The following ATP5PO variants were observed in gnomAD, a reference collection of about 807,000 sequenced individuals.
ATP5PO encodes the protein ATP synthase peripheral stalk subunit OSCP, mitochondrial.
Under a neutral mutation model 26.2 loss-of-function variants are expected in ATP5PO, and 14 were observed. The observed-to-expected ratio is 0.53, with a 90% CI of 0.35 to 0.83. The LOEUF is 0.83. Ranked by LOEUF, ATP5PO falls within the 40% of genes least tolerant of loss-of-function variation. The pLI is 0.01. For synonymous variants in ATP5PO, 106 were observed against 95.1 expected, an observed-to-expected ratio of 1.12 and a Z score of -0.67; for missense variants, 241 against 258.5, an observed-to-expected ratio of 0.93 and a Z score of 0.46.
At chr21:33,910,279 T>C (rs1987231155) in intron 3 of ATP5PO, among the ~76,000 whole-genome samples, 1 of 152,180 alleles carries the variant, frequency 6.6e-6, no homozygotes, top group South Asian at 2.1e-4. Flanking sequence ...GGTCAGATAC[T>C]ATCATCCAAT....
chr21:33,915,772 G>C lies in ATP5PO; in HGVS notation c.-9C>G. ...ACTGCTGGGGCAGCCATCTTCTCCC[G>C]GGCGGCTGTAGGTCAAACCCGAGTG... On this transcript the variant is annotated 5_prime_UTR_variant, in exon 1 of 7. Coordinates refer to ENST00000290299, the MANE Select transcript of ATP5PO (RefSeq NM_001697.3). 6.4e-7 allele frequency: 1 copy of C among 1,568,506 alleles called. No homozygotes were observed. The highest frequency in any genetic ancestry group is 2.3e-5 in the East Asian group (1 of 42,616).
At chr21:33,907,066 G>C in intron 5 of ATP5PO, 1 of 439,662 alleles carries the variant, frequency 2.3e-6, no homozygotes, top group Non-Finnish European at 4.2e-6. Context: ...ACATATAATA[G>C]AGTCTAAACC....
At chr21:33,910,714 C>T (rs1293905002) in intron 3 of ATP5PO, among the ~76,000 whole-genome samples, 1 of 152,182 alleles carries the variant, frequency 6.6e-6, no homozygotes, top group East Asian at 1.9e-4. Flanking sequence ...CAAATGTCTC[C>T]AACAACAGGG....
chr21:33,908,630 G>A (rs565223437), intron 4 of ATP5PO, among the ~76,000 whole-genome samples: 23 of 152,276 alleles, frequency 1.5e-4, no homozygotes, highest in African/African-American at 5.5e-4. Flanking sequence ...GATCACCTGA[G>A]TCTGGGAGGT....
rs140977810 is a variant in ATP5PO at position 33,915,733 on chromosome 21, G to A, written c.31C>T (p.Arg11Trp). 1.9e-4 allele frequency: 302 copies of A among 1,575,028 alleles called. 2 individuals carry two copies. The highest frequency in any genetic ancestry group is 4.3e-5 in the Non-Finnish European group (50 of 1,160,264). Residue 11 changes from arginine to tryptophan, a missense_variant, in exon 1 of 7, where the codon CGG becomes TGG. Coordinates refer to ENST00000290299, the MANE Select transcript of ATP5PO (RefSeq NM_001697.3). ...CAGGACCACCTTTCTCTCACCTGCC[G>A]GGAGAGCCCGGACACTGCTGGGGCA... Reference protein sequence around the residue: MAAPAVSGLSRQVRCFSTSVV... With the variant: MAAPAVSGLSWQVRCFSTSVV...
At chr21:33,911,944 G>A (rs890005749) in intron 3 of ATP5PO, among the ~76,000 whole-genome samples, 5 of 152,132 alleles carry the variant, frequency 3.3e-5, no homozygotes, top group African/African-American at 4.8e-5. Context: ...GATTACAGGC[G>A]TGAGCACTGT....
intron 4 of ATP5PO, among the ~76,000 whole-genome samples, chr21:33,908,059 T>G (rs893068247): frequency 2.6e-5 from 4 of 151,310 alleles, no homozygotes; most frequent in African/African-American, 9.7e-5. Context: ...TTCCAGCTAC[T>G]CAGGAGGCTG....
At chr21:33,905,785 G>A (rs1987161169) in intron 5 of ATP5PO, among the ~76,000 whole-genome samples, 1 of 151,898 alleles carries the variant, frequency 6.6e-6, no homozygotes, top group Non-Finnish European at 1.5e-5. Flanking sequence ...GTGGTGGCAG[G>A]TGCTGTAGTC....
chr21:33,904,995 T>G (rs1987150282), intron 5 of ATP5PO, among the ~76,000 whole-genome samples: 1 of 151,972 alleles, frequency 6.6e-6, no homozygotes, highest in Admixed American at 6.6e-5. Flanking sequence ...CCCGCTGCAG[T>G]CTCCCAAAAT....
At chr21:33,913,571 C>A (rs568416241) in intron 2 of ATP5PO, among the ~76,000 whole-genome samples, 24 of 152,254 alleles carry the variant, frequency 1.6e-4, no homozygotes, top group African/African-American at 5.1e-4. Flanking sequence ...TTTCAGGGGG[C>A]CTTCTGGGGA....
chr21:33,907,867 G>A (rs1987193951), intron 4 of ATP5PO, among the ~76,000 whole-genome samples: 1 of 152,222 alleles, frequency 6.6e-6, no homozygotes, highest in African/African-American at 2.4e-5. Flanking sequence ...CAATGTGAAT[G>A]GAGGCCAAGT....
At chr21:33,909,402 C>T (rs1344238203) in intron 3 of ATP5PO, among the ~76,000 whole-genome samples, 191 bp from the exon 4 acceptor site, 1 of 151,806 alleles carries the variant, frequency 6.6e-6, no homozygotes, top group African/African-American at 2.4e-5. Context: ...GCCTCAGCCT[C>T]CCGAATAGCT....
At chr21:33,911,910 T>C (rs1000581553) in intron 3 of ATP5PO, among the ~76,000 whole-genome samples, 1 of 152,134 alleles carries the variant, frequency 6.6e-6, no homozygotes, top group Non-Finnish European at 1.5e-5. Flanking sequence ...CTGATCTGCC[T>C]GCCTCAGCCT....
chr21:33,911,699 C>T (rs769287161), intron 3 of ATP5PO, among the ~76,000 whole-genome samples: 10 of 117,566 alleles, frequency 8.5e-5, no homozygotes, highest in Non-Finnish European at 8.2e-5. Context: ...GACGGAGTCT[C>T]GTACCGTCCG....
chr21:33,904,072 C>T lies in ATP5PO; in HGVS notation c.442-51G>A, dbSNP rs1172919327. The T allele has an allele frequency of 2.0e-6, 3 of 1,516,382 alleles. 1 individual carries two copies. The highest frequency in any genetic ancestry group is 2.7e-6 in the Non-Finnish European group (3 of 1,106,042). The allele number at this position is 1,516,382 out of a possible 1,614,324, so 93.9% of individuals were successfully genotyped here. On this transcript the variant is annotated intron_variant, in intron 5 of 6. Coordinates refer to ENST00000290299, the MANE Select transcript of ATP5PO (RefSeq NM_001697.3). ...TTTAGATAAAGCAAAACAGAAACTT[C>T]CAGAGTTAAAATACCCCAGGCCCAC...
intron 4 of ATP5PO, 138 bp downstream of exon 4, chr21:33,908,943 AT>A: frequency 1.0e-6 from 1 of 969,556 alleles, no homozygotes; most frequent in South Asian, 2.1e-5. Flanking sequence ...ACAGACTCTG[AT>A]TCAGCAGGTT....
intron 4 of ATP5PO, 66 bp from the exon 5 acceptor site, chr21:33,907,519 A>G: frequency 7.2e-7 from 1 of 1,398,270 alleles, no homozygotes; most frequent in Non-Finnish European, 1.0e-6. Flanking sequence ...GAAGTTGTAT[A>G]CTCAACCCAA....
chr21:33,909,297 T>C, intron 3 of ATP5PO, 86 bp from the exon 4 acceptor site: 1 of 1,450,588 alleles, frequency 6.9e-7, no homozygotes, highest in Non-Finnish European at 9.4e-7. Flanking sequence ...CTTTCTTTTT[T>C]GGAGACAACG....
intron 5 of ATP5PO, among the ~76,000 whole-genome samples, chr21:33,905,254 C>T (rs932866242): frequency 2.0e-5 from 3 of 152,090 alleles, no homozygotes. Context: ...AATATACATA[C>T]CCTCCACTGA....
Sources: gnomAD v4.1 joint callset for allele counts (sites outside exome capture counted in the v4.1 genomes callset) on GRCh38, gnomAD v4.1.1 for gene constraint, MANE v1.5 for transcripts, NCBI Gene and HGNC (gene_info 2026-07-23, HGNC 2026-07-21) for gene names.